The following CDH20 variants were observed in gnomAD, a reference collection of about 807,000 sequenced individuals.
The protein encoded by CDH20 is cadherin-20.
CDH20 carries 29 observed loss-of-function variants against 74.2 expected under a neutral mutation model. That is an observed-to-expected ratio of 0.39 (90% CI 0.29 to 0.53). CDH20 has a LOEUF of 0.53. Ranked by LOEUF, CDH20 falls within the 20% of genes least tolerant of loss-of-function variation. The probability of loss-of-function intolerance (pLI) is 0.69; values close to 1 mark genes in which losing one functional copy is unlikely to be tolerated. For missense variants in CDH20, 988 were observed against 1,048.3 expected, an observed-to-expected ratio of 0.94 and a Z score of 0.79; for synonymous variants, 469 against 405.4, an observed-to-expected ratio of 1.16 and a Z score of -1.88.
intron 1 of CDH20, among the ~76,000 whole-genome samples, chr18:61,380,055 A>G (rs1356684398): frequency 2.0e-5 from 3 of 152,148 alleles, no homozygotes; most frequent in African/African-American, 7.2e-5. Flanking sequence ...ATTTTAGATC[A>G]TTTGCTCTGA....
In CDH20 at chr18:61,536,375, C is replaced by T. The variant is rs1037553961; in HGVS notation, c.1272-118C>T. The stretch of plus-strand genomic sequence containing the variant: ...AACCACGAATGCAGTCTTCCAGTAG[C>T]CATAACTCAGAAGTGGTGGAACCAT... On this transcript the variant is annotated intron_variant, in intron 7 of 11. Transcript: ENST00000262717. 3 of 734,532 alleles carry T rather than the reference C, an allele frequency of 4.1e-6. No homozygotes were observed. The Admixed American group carries it at 7.2e-5, about 18-fold the overall frequency. The allele number at this position is 734,532 out of a possible 1,614,324, so 45.5% of individuals were successfully genotyped here.
intron 6 of CDH20, among the ~76,000 whole-genome samples, chr18:61,527,553 A>C (rs1000325428): frequency 5.9e-5 from 9 of 152,148 alleles, no homozygotes; most frequent in Non-Finnish European, 7.3e-5. Context: ...GACAGAATAG[A>C]GTCCTAGGAA....
intron 8 of CDH20, among the ~76,000 whole-genome samples, chr18:61,538,631 T>TTTTTTTTTTTTG (rs1599155936): frequency 8.3e-6 from 1 of 120,670 alleles, no homozygotes; most frequent in Non-Finnish European, 1.8e-5. Flanking sequence ...TTTTGTTTTT[T>TTTTTTTTTTTTG]TTTTTGAGAC....
chr18:61,342,010 T>C (rs1184572714), intron 1 of CDH20, among the ~76,000 whole-genome samples: 1 of 152,168 alleles, frequency 6.6e-6, no homozygotes, highest in African/African-American at 2.4e-5. Flanking sequence ...ATTAATCCAT[T>C]TGGCAGTTAG....
chr18:61,485,718 A>G (rs1279683128), intron 1 of CDH20, among the ~76,000 whole-genome samples: 2 of 152,168 alleles, frequency 1.3e-5, no homozygotes, highest in African/African-American at 2.4e-5. Context: ...AAATCAGAAT[A>G]CAGCTCAATG....
At chr18:61,445,854 CAA>C (rs1465462261) in intron 1 of CDH20, among the ~76,000 whole-genome samples, 1 of 152,142 alleles carries the variant, frequency 6.6e-6, no homozygotes, top group Non-Finnish European at 1.5e-5. Flanking sequence ...CTGGTCAACC[CAA>C]GATTTGAGGG....
At chr18:61,376,701 T>C (rs1043854110) in intron 1 of CDH20, among the ~76,000 whole-genome samples, 1 of 152,202 alleles carries the variant, frequency 6.6e-6, no homozygotes, top group East Asian at 1.9e-4. Flanking sequence ...GAAGACAGTT[T>C]CTTTATGAGT....
In CDH20 at chr18:61,339,830, G is replaced by T. The variant is rs1477986471; in HGVS notation, c.-153+6003G>T. ...AGCCTCCCAAGTAGCTGGGACTACA[G>T]GTGCCCGCCACCATGCCCAGCTAAT... is the stretch of plus-strand genomic sequence containing the variant. On this transcript the variant is annotated intron_variant, in intron 1 of 11. Transcript: ENST00000262717. 2.0e-5 allele frequency among the ~76,000 whole-genome samples: 3 copies of T among 151,980 alleles called. No homozygotes were observed. In the East Asian group the frequency reaches 5.8e-4, roughly 29 times the overall value.
intron 1 of CDH20, among the ~76,000 whole-genome samples, chr18:61,428,250 C>G (rs1913138427): frequency 6.6e-6 from 1 of 152,112 alleles, no homozygotes; most frequent in South Asian, 2.1e-4. Flanking sequence ...AATCTGCAAT[C>G]AAGTAAGAGA....
chr18:61,350,468 C>T (rs1910267019), intron 1 of CDH20, among the ~76,000 whole-genome samples: 2 of 151,964 alleles, frequency 1.3e-5, no homozygotes, highest in Admixed American at 6.6e-5. Context: ...ATTCCATGCA[C>T]GATTCCACCC....
Position 61,550,208 on chromosome 18 carries a change from G to T in CDH20, c.1879G>T (p.Ala627Ser), listed in dbSNP as rs542150773. 1 of 1,613,552 alleles carries T rather than the reference G, an allele frequency of 6.2e-7. No homozygotes were observed. Among genetic ancestry groups the T allele is most frequent in the Admixed American group, 1.7e-5 (1 of 60,000 alleles). Reference sequence around the variant, plus strand: ...CCGGGGCGCCCTCATTGCCATCCTCGCCTGCATCTTTGTCCTCTTAGGTGA... The same window carrying T: ...CCGGGGCGCCCTCATTGCCATCCTCTCCTGCATCTTTGTCCTCTTAGGTGA... ...LSRGALIAILACIFVLLVLVL... is the reference protein window; with the variant it reads ...LSRGALIAILSCIFVLLVLVL... The change falls in exon 11 of 12, where the codon GCC (alanine) becomes TCC (serine). Residue 627 changes from alanine (A) to serine (S), a missense_variant. Physicochemically the swap from Ala to Ser is moderately conservative, Grantham distance 99. This residue lies in a region of CDH20 where 375 missense variants were observed against 293.1 expected (regional missense o/e 1.28). Transcript: ENST00000262717.
At chr18:61,464,787 C>A (rs974952970) in intron 1 of CDH20, among the ~76,000 whole-genome samples, 1 of 152,170 alleles carries the variant, frequency 6.6e-6, no homozygotes, top group Non-Finnish European at 1.5e-5. Flanking sequence ...TGAATAATAG[C>A]CAGACCTCTC....
intron 1 of CDH20, among the ~76,000 whole-genome samples, chr18:61,349,445 T>A (rs1044500673): frequency 6.6e-6 from 1 of 152,224 alleles, no homozygotes; most frequent in Non-Finnish European, 1.5e-5. Flanking sequence ...TAGGCTAATT[T>A]AGAAGGAATT....
chr18:61,469,364 TACACACACACACAC>T (rs35516738), intron 1 of CDH20, among the ~76,000 whole-genome samples: 13 of 142,452 alleles, frequency 9.1e-5, no homozygotes, highest in South Asian at 4.6e-4. Flanking sequence ...TGAGAATGAA[TACACACACACACAC>T]ACACACACAC....
intron 6 of CDH20, among the ~76,000 whole-genome samples, chr18:61,527,365 T>TG (rs1568177590): frequency 0.024 from 3,017 of 126,044 alleles, 96 homozygotes; most frequent in African/African-American, 0.083. Context: ...ATGAATATTC[T>TG]AATAGATAGA....
intron 10 of CDH20, among the ~76,000 whole-genome samples, chr18:61,548,006 C>A (rs1364027829): frequency 1.3e-5 from 2 of 151,528 alleles, no homozygotes; most frequent in Non-Finnish European, 2.9e-5. Flanking sequence ...CTGGATTAAA[C>A]CAAAAAAATA....
intron 1 of CDH20, among the ~76,000 whole-genome samples, chr18:61,399,587 A>G (rs1407187510): frequency 6.6e-6 from 1 of 152,058 alleles, no homozygotes; most frequent in Non-Finnish European, 1.5e-5. Context: ...CATTTTTTTC[A>G]TGGAAATCAG....
chr18:61,525,402 T>A (rs1912359140), intron 6 of CDH20, among the ~76,000 whole-genome samples: 1 of 152,122 alleles, frequency 6.6e-6, no homozygotes, highest in Non-Finnish European at 1.5e-5. Flanking sequence ...ACATAAAGAA[T>A]TTTAAGAGCG....
intron 10 of CDH20, among the ~76,000 whole-genome samples, chr18:61,549,660 T>C (rs904532292): frequency 6.6e-6 from 1 of 152,200 alleles, no homozygotes; most frequent in Non-Finnish European, 1.5e-5. Flanking sequence ...TCTGTCAAGC[T>C]TTCCCAGGGA....
Sources: allele counts gnomAD v4.1 joint callset (sites outside exome capture counted in the v4.1 genomes callset), GRCh38; gene constraint gnomAD v4.1.1; regional missense constraint gnomAD v4.1.1; transcripts MANE v1.5; gene names NCBI Gene and HGNC (gene_info 2026-07-23, HGNC 2026-07-21).